Variants in PRKN observed in about 807,000 individuals in gnomAD.
The protein encoded by PRKN is parkin RBR E3 ubiquitin protein ligase.
In PRKN, 56 loss-of-function variants were observed where a neutral mutation model predicts 59.5. The ratio of observed to expected loss-of-function variants is 0.94; its 90% confidence interval spans 0.76 to 1.18. The LOEUF (loss-of-function observed/expected upper bound fraction) is 1.18, where lower values mean the gene tolerates loss of function less well. Among genes scored for constraint, PRKN ranks in the 50% most tolerant of loss-of-function variants. PRKN has a pLI of 0.00. For synonymous variants in PRKN, 250 were observed against 222.1 expected (o/e 1.13, Z -1.12); for missense variants, 657 against 596.4 (o/e 1.10, Z -1.06).
intron 5 of PRKN, among the ~76,000 whole-genome samples, chr6:162,026,207 C>G (rs566328953): frequency 2.0e-5 from 3 of 152,308 alleles, no homozygotes; most frequent in Non-Finnish European, 4.4e-5. Context: ...TCCGTGAAGA[C>G]AGAGAACTCT....
intron 3 of PRKN, among the ~76,000 whole-genome samples, chr6:162,206,666 G>T (rs1784954220): frequency 6.6e-6 from 1 of 152,180 alleles, no homozygotes. Flanking sequence ...GGATTCTCCT[G>T]TGGAATAGAT....
At chr6:162,572,744 AATG>A (rs1364415253) in intron 1 of PRKN, among the ~76,000 whole-genome samples, 1 of 152,210 alleles carries the variant, frequency 6.6e-6, no homozygotes, top group African/African-American at 2.4e-5. Flanking sequence ...GGAAATCATG[AATG>A]ATAACACTTA....
At chr6:161,981,019 G>C (rs896488417) in intron 5 of PRKN, among the ~76,000 whole-genome samples, 3 of 152,182 alleles carry the variant, frequency 2.0e-5, no homozygotes, top group African/African-American at 7.2e-5. Flanking sequence ...CTCGTCAAAA[G>C]ACTATCCATC....
intron 4 of PRKN, among the ~76,000 whole-genome samples, chr6:162,100,430 C>A (rs1779918652): frequency 1.3e-5 from 2 of 151,448 alleles, no homozygotes; most frequent in Admixed American, 1.3e-4. Flanking sequence ...GCGCTTATCA[C>A]TTATTATCTC....
chr6:162,669,383 T>A (rs1779233627), intron 1 of PRKN, among the ~76,000 whole-genome samples: 1 of 152,174 alleles, frequency 6.6e-6, no homozygotes, highest in Non-Finnish European at 1.5e-5. Context: ...AAAACCACTA[T>A]GTTTTAAAGA....
chr6:161,537,665 A>AT (rs1209618735), intron 9 of PRKN, among the ~76,000 whole-genome samples: 4 of 152,026 alleles, frequency 2.6e-5, no homozygotes, highest in African/African-American at 9.7e-5. Flanking sequence ...GTTAGCCTGG[A>AT]TGGTCTCGAT....
rs1262869945 is a variant in PRKN, at chr6:161,483,936, A to C, written c.1083+64918T>G. 6.6e-6 allele frequency among the ~76,000 whole-genome samples: 1 copy of C among 152,210 alleles called. No individual in the cohort carries two copies. The highest frequency in any genetic ancestry group is 2.4e-5 in the African/African-American group (1 of 41,452). ...CAAACTAATGCAGGAACAGAAAACC[A>C]AACACTGCCTGTTCTCACTTATAAG... On this transcript the variant is annotated intron_variant, in intron 9 of 11. Coordinates refer to ENST00000366898, the MANE Select transcript of PRKN (RefSeq NM_004562.3). This position sits in a 1 kb window ranked among gnomAD's most constrained non-coding sequence, Gnocchi z 5.0.
At chr6:161,782,326 TCTA>T (rs1790240355) in intron 7 of PRKN, among the ~76,000 whole-genome samples, 1 of 152,154 alleles carries the variant, frequency 6.6e-6, no homozygotes, top group South Asian at 2.1e-4. Context: ...ATGTGTATAA[TCTA>T]CTTTCTACTT....
chr6:162,115,876 T>C (rs546596409), intron 4 of PRKN, among the ~76,000 whole-genome samples: 14 of 152,340 alleles, frequency 9.2e-5, no homozygotes, highest in African/African-American at 3.1e-4. Flanking sequence ...CTAAAAAGAT[T>C]GATCTGAGTT....
intron 3 of PRKN, among the ~76,000 whole-genome samples, chr6:162,256,903 C>A (rs1268137172): frequency 6.6e-6 from 1 of 152,198 alleles, no homozygotes; most frequent in Non-Finnish European, 1.5e-5. Flanking sequence ...TTAACTTCAA[C>A]AACCAATGCT....
intron 7 of PRKN, among the ~76,000 whole-genome samples, chr6:161,741,365 G>A (rs1011406206): frequency 2.6e-5 from 4 of 152,220 alleles, no homozygotes; most frequent in Non-Finnish European, 5.9e-5. Flanking sequence ...GACACTCGAT[G>A]AGACAAATCT....
At chr6:161,832,865 C>T (rs1792567100) in intron 6 of PRKN, among the ~76,000 whole-genome samples, 1 of 151,954 alleles carries the variant, frequency 6.6e-6, no homozygotes, top group Non-Finnish European at 1.5e-5. Flanking sequence ...CACTAGATGC[C>T]AGCAGCCTTC....
At chr6:162,313,913 T>C (rs1452183588) in intron 2 of PRKN, among the ~76,000 whole-genome samples, 1 of 152,140 alleles carries the variant, frequency 6.6e-6, no homozygotes, top group Non-Finnish European at 1.5e-5. Context: ...AGCAAAGAAA[T>C]CTTACTGCTG....
chr6:162,184,970 G>A (rs906470361), intron 4 of PRKN, among the ~76,000 whole-genome samples: 1 of 147,832 alleles, frequency 6.8e-6, no homozygotes, highest in African/African-American at 2.5e-5. Flanking sequence ...AAATAAGGGT[G>A]GGGGGGTGCT....
chr6:162,700,312 T>C (rs1232658414), intron 1 of PRKN, among the ~76,000 whole-genome samples: 2 of 152,144 alleles, frequency 1.3e-5, no homozygotes, highest in African/African-American at 2.4e-5. Flanking sequence ...TTAATAAATA[T>C]GAGTAGGAAG....
chr6:161,885,653 A>G (rs764288269), intron 6 of PRKN, among the ~76,000 whole-genome samples: 1 of 133,268 alleles, frequency 7.5e-6, no homozygotes, highest in Non-Finnish European at 1.6e-5. Flanking sequence ...TGACAGAGCG[A>G]GACTCTGTCT....
intron 6 of PRKN, among the ~76,000 whole-genome samples, chr6:161,923,140 A>G (rs893650890): frequency 1.3e-5 from 2 of 152,186 alleles, no homozygotes; most frequent in South Asian, 2.1e-4. Flanking sequence ...GTCACTCCAT[A>G]GCATACAATC....
rs1790997986 is a variant in PRKN, at chr6:161,475,041, A to T, written c.1083+73813T>A. On this transcript the variant is annotated intron_variant, in intron 9 of 11. Transcript: ENST00000366898. The surrounding 1 kb of genome is among the most constrained non-coding windows in gnomAD (Gnocchi z 5.3). ...TGCCTCAGCCTCCCAAGTAGCTGGG[A>T]CTACAGGCATGCACCACCATGCCCA... Among the ~76,000 whole-genome samples, 1 of 150,818 alleles carries T rather than the reference A, an allele frequency of 6.6e-6. No individual in the cohort carries two copies. The highest frequency in any genetic ancestry group is 6.6e-5 in the Admixed American group (1 of 15,164).
rs1781230760 is a variant in PRKN, at chr6:161,578,769, G to C, written c.872-9353C>G. 1.3e-5 allele frequency among the ~76,000 whole-genome samples: 2 copies of C among 152,192 alleles called. No homozygotes were observed. Among genetic ancestry groups the C allele is most frequent in the South Asian group, 4.1e-4 (2 of 4,826 alleles). On this transcript the variant is annotated intron_variant, in intron 7 of 11. Coordinates refer to ENST00000366898, the MANE Select transcript of PRKN (RefSeq NM_004562.3). This position sits in a 1 kb window ranked among gnomAD's most constrained non-coding sequence, Gnocchi z 4.2. ...TGGGAGGTTTGAGACAGAGGACAAG[G>C]TAGAACATGCAGTAACAAAAGATGA...
Sources: gnomAD v4.1 joint callset for allele counts (sites outside exome capture counted in the v4.1 genomes callset) on GRCh38, gnomAD v4.1.1 for gene constraint, Gnocchi (gnomAD v3.1) non-coding constraint, MANE v1.5 for transcripts, NCBI Gene and HGNC (gene_info 2026-07-23, HGNC 2026-07-21) for gene names.